Variants in FRMPD2 observed in about 807,000 individuals in gnomAD.
The protein encoded by FRMPD2 is FERM and PDZ domain containing 2, also known as FERM and PDZ domain-containing protein 2.
FRMPD2 carries 96 observed loss-of-function variants against 140.1 expected under a neutral mutation model. That is an observed-to-expected ratio of 0.69 (90% CI 0.58 to 0.81). The LOEUF is 0.81. Among genes scored for constraint, FRMPD2 ranks in the 40% least tolerant of loss-of-function variants. The pLI is 0.00. For synonymous variants in FRMPD2, 449 were observed against 547.6 expected, an observed-to-expected ratio of 0.82 and a Z score of 2.52; for missense variants, 1,240 against 1,447.4, an observed-to-expected ratio of 0.86 and a Z score of 2.32.
chr10:48,238,120 A>AGC lies in FRMPD2; in HGVS notation c.790_791dup (p.Pro266PhefsTer58). ...GGTCCTGGGGATCTGCTCCTGGAAG[A>AGC]GCGCTGGCCAGGGGTTGAGAAGGGG... On this transcript the variant is annotated frameshift_variant, in exon 8 of 29. Coordinates refer to ENST00000374201, the MANE Select transcript of FRMPD2 (RefSeq NM_001018071.4). LOFTEE classifies it high-confidence loss of function. The AGC allele has an allele frequency of 6.2e-7, 1 of 1,609,900 alleles. No individual in the cohort carries two copies. The highest frequency in any genetic ancestry group is 1.1e-5 in the South Asian group (1 of 91,062).
chr10:48,220,845 A>T (rs750283074), intron 12 of FRMPD2, among the ~76,000 whole-genome samples: 1 of 152,222 alleles, frequency 6.6e-6, no homozygotes, highest in African/African-American at 2.4e-5. Flanking sequence ...AAAATGCTCC[A>T]CATCACTAAT....
intron 15 of FRMPD2, among the ~76,000 whole-genome samples, chr10:48,193,716 G>A (rs1040971890): frequency 6.6e-6 from 1 of 152,144 alleles, no homozygotes; most frequent in African/African-American, 2.4e-5. Context: ...TCAGACACAT[G>A]GTAGTGGTGT....
At chr10:48,231,337 G>A (rs972748535) in intron 10 of FRMPD2, among the ~76,000 whole-genome samples, 1 of 152,188 alleles carries the variant, frequency 6.6e-6, no homozygotes, top group African/African-American at 2.4e-5. Flanking sequence ...ACCACAGCTT[G>A]CTACATGAGT....
In FRMPD2 at chr10:48,242,281, G is replaced by A; in HGVS notation, c.447C>T (p.Cys149=). The change falls in exon 5 of 29, where the codon TGC becomes TGT. Residue 149 remains cysteine, a synonymous_variant. Coordinates refer to ENST00000374201, the MANE Select transcript of FRMPD2 (RefSeq NM_001018071.4). ...TMCEDQPHRR[C]TLQSVLEACR... ...AAGCTTCCAGAACCGACTGCAACGT[G>A]CACCGCCTGTGAGGCTGGTCTTCAC... 1 of 1,614,148 alleles carries A rather than the reference G, an allele frequency of 6.2e-7. No individual in the cohort carries two copies. Among genetic ancestry groups the A allele is most frequent in the Non-Finnish European group, 8.5e-7 (1 of 1,180,004 alleles).
At chr10:48,257,238 A>G (rs1417658505) in intron 1 of FRMPD2, among the ~76,000 whole-genome samples, 1 of 150,080 alleles carries the variant, frequency 6.7e-6, no homozygotes, top group Non-Finnish European at 1.5e-5. Flanking sequence ...GGATGTGGAT[A>G]CCTTTACGGT....
chr10:48,266,476 T>C (rs994839486), intron 1 of FRMPD2, among the ~76,000 whole-genome samples: 4 of 152,244 alleles, frequency 2.6e-5, no homozygotes, highest in Non-Finnish European at 5.9e-5. Context: ...GACAATGTGA[T>C]GTTGGTGAAA....
At chr10:48,204,755 G>A (rs565682375) in intron 14 of FRMPD2, among the ~76,000 whole-genome samples, 1 of 151,964 alleles carries the variant, frequency 6.6e-6, no homozygotes, top group East Asian at 1.9e-4. Context: ...TTCATAAAGA[G>A]GGCCCTAAAT....
At position 48,185,556 on chromosome 10, in the gene FRMPD2, A is replaced by C. The variant is rs760432332; in HGVS notation, c.2356T>G (p.Phe786Val). The change falls in exon 18 of 29, where the codon TTT becomes GTT. Residue 786 changes from phenylalanine to valine, a missense_variant. Coordinates refer to ENST00000374201, the MANE Select transcript of FRMPD2 (RefSeq NM_001018071.4). ...VTLKRDPHRG[F>V]GFVINEGEYS... ...CACCTACAGGGAGCCCTCTTACCAA[A>C]ACCACGATGTGGGTCACGTTTCAGT... is the stretch of plus-strand genomic sequence containing the variant. 6.2e-7 allele frequency: 1 copy of C among 1,613,618 alleles called. No individual in the cohort carries two copies. The highest frequency in any genetic ancestry group is 1.1e-5 in the South Asian group (1 of 91,062).
At chr10:48,175,406 T>C (rs1367916898) in intron 23 of FRMPD2, among the ~76,000 whole-genome samples, 4 of 152,072 alleles carry the variant, frequency 2.6e-5, no homozygotes, top group East Asian at 1.9e-4. Flanking sequence ...CCCTTTTGGC[T>C]CAATTCTGGC....
chr10:48,232,351 C>T, intron 9 of FRMPD2, 62 bp from the exon 10 acceptor site: 1 of 1,260,736 alleles, frequency 7.9e-7, no homozygotes. Flanking sequence ...TTAGTGTGTG[C>T]TGGTTACTGT....
chr10:48,164,061 T>A (rs1339998230), intron 27 of FRMPD2, among the ~76,000 whole-genome samples: 1 of 150,932 alleles, frequency 6.6e-6, no homozygotes, highest in East Asian at 1.9e-4. Context: ...TCCACCCCCA[T>A]CAAGGTGATG....
intron 23 of FRMPD2, chr10:48,175,241 C>G: frequency 5.2e-6 from 4 of 773,970 alleles, no homozygotes; most frequent in Non-Finnish European, 7.8e-6. Flanking sequence ...TCCTGTTTTC[C>G]TGTGAAACCA....
chr10:48,171,911 G>A (rs868951305), intron 25 of FRMPD2, among the ~76,000 whole-genome samples: 134 of 149,906 alleles, frequency 8.9e-4, no homozygotes, highest in Middle Eastern at 3.5e-3. Flanking sequence ...GAAAATTATG[G>A]CCAATTCTAT....
chr10:48,257,055 G>A (rs1588858276), intron 1 of FRMPD2, among the ~76,000 whole-genome samples: 1 of 152,224 alleles, frequency 6.6e-6, no homozygotes, highest in East Asian at 1.9e-4. Flanking sequence ...GGCTCTGACG[G>A]AGAATCCTTC....
intron 15 of FRMPD2, among the ~76,000 whole-genome samples, chr10:48,194,907 G>A (rs1049700532): frequency 6.6e-6 from 1 of 152,166 alleles, no homozygotes; most frequent in Non-Finnish European, 1.5e-5. Context: ...AGCCTTTCAA[G>A]AATGGAAGGA....
At chr10:48,210,357 T>G (rs762588797) in intron 13 of FRMPD2, among the ~76,000 whole-genome samples, 5 of 152,158 alleles carry the variant, frequency 3.3e-5, no homozygotes. Context: ...TTTCTGTGAA[T>G]GGGGAAAAAA....
chr10:48,245,723 G>A (rs1840232321), intron 3 of FRMPD2, among the ~76,000 whole-genome samples: 2 of 152,210 alleles, frequency 1.3e-5, no homozygotes, highest in South Asian at 4.1e-4. Context: ...TTGTCTACAT[G>A]GCCTCTGGAT....
chr10:48,184,988 C>G, intron 18 of FRMPD2, 107 bp from the exon 19 acceptor site: 3 of 726,038 alleles, frequency 4.1e-6, no homozygotes, highest in Non-Finnish European at 6.9e-6. Context: ...GTGGCATTAG[C>G]TGATAGTTAC....
Position 48,185,663 on chromosome 10 carries a change from G to A in FRMPD2, c.2267-18C>T, listed in dbSNP as rs1393454003. The A allele has an allele frequency of 6.3e-7, 1 of 1,587,534 alleles. No homozygotes were observed. The highest frequency in any genetic ancestry group is 8.7e-7 in the Non-Finnish European group (1 of 1,155,946). On this transcript the variant is annotated intron_variant, in intron 17 of 28. Transcript: ENST00000374201. ...CTTTGAGCCTAGAGGTAGAATCAGA[G>A]CACCACATTGTGCTTTTCCCCCAAA... is the stretch of plus-strand genomic sequence containing the variant.
Sources: gnomAD v4.1 joint callset for allele counts (sites outside exome capture counted in the v4.1 genomes callset) on GRCh38, gnomAD v4.1.1 for gene constraint, MANE v1.5 for transcripts, NCBI Gene and HGNC (gene_info 2026-07-23, HGNC 2026-07-21) for gene names.